RANBP2: variants seen among roughly 807,000 people sequenced by gnomAD.
RANBP2 encodes RAN binding protein 2.
A neutral mutation model predicts 303.6 loss-of-function variants in RANBP2; 57 were observed. The ratio of observed to expected loss-of-function variants is 0.19; its 90% CI spans 0.15 to 0.23. The LOEUF (loss-of-function observed/expected upper bound fraction) is 0.23, where lower values mean the gene tolerates loss of function less well. Among genes scored for constraint, RANBP2 ranks in the 10% least tolerant of loss-of-function variants. RANBP2 has a pLI of 1.00. For synonymous variants in RANBP2, 1,167 were observed against 1,301.5 expected (o/e 0.90, Z 2.23); for missense variants, 3,138 against 3,780.8 (o/e 0.83, Z 4.46).
At chr2:109,702,075 A>T in the RANBP2 span, among the ~76,000 whole-genome samples, 44 of 152,376 alleles carry the variant, frequency 2.9e-4, no homozygotes, top group Admixed American at 9.1e-4. Context: ...CCTCAATGCC[A>T]GGAGTCCCTC....
At chr2:109,606,934 G>A in the RANBP2 span, among the ~76,000 whole-genome samples, 4 of 152,036 alleles carry the variant, frequency 2.6e-5, no homozygotes, top group African/African-American at 9.7e-5. Context: ...TTACAGGCAT[G>A]AGCCACCACG....
chr2:109,222,541 G>A, the RANBP2 span, among the ~76,000 whole-genome samples: 1 of 152,182 alleles, frequency 6.6e-6, no homozygotes, highest in Admixed American at 6.5e-5. Flanking sequence ...ATTGTTGGAG[G>A]GGCAAGGGTG....
the RANBP2 span, among the ~76,000 whole-genome samples, chr2:108,863,353 G>A: frequency 6.6e-6 from 1 of 152,136 alleles, no homozygotes; most frequent in Non-Finnish European, 1.5e-5. Context: ...AAATACAATG[G>A]GAAGGTTTAT....
the RANBP2 span, among the ~76,000 whole-genome samples, chr2:108,878,115 AAAC>A: frequency 6.6e-6 from 1 of 152,246 alleles, no homozygotes. Flanking sequence ...AGATGAAAGA[AAAC>A]AGTTTATTAA....
chr2:109,520,712 C>T, the RANBP2 span, among the ~76,000 whole-genome samples: 1 of 138,540 alleles, frequency 7.2e-6, no homozygotes, highest in South Asian at 2.5e-4. Context: ...AGGTGGATCA[C>T]CTGAGGTCAG....
the RANBP2 span, among the ~76,000 whole-genome samples, chr2:109,046,099 T>TC: frequency 6.4e-4 from 97 of 152,084 alleles, 1 homozygote; most frequent in Non-Finnish European, 8.2e-4. Context: ...GGTCAGGAGA[T>TC]TGAGACCATC....
the RANBP2 span, among the ~76,000 whole-genome samples, chr2:109,707,252 A>C: frequency 6.6e-6 from 1 of 152,170 alleles, no homozygotes; most frequent in Non-Finnish European, 1.5e-5. Flanking sequence ...TGAAATTCAC[A>C]TTTCAAACCC....
the RANBP2 span, among the ~76,000 whole-genome samples, chr2:109,593,409 C>CTTTTTTTTTT: frequency 2.6e-4 from 35 of 133,770 alleles, 2 homozygotes; most frequent in East Asian, 6.6e-4. Context: ...AGAGAAAGAA[C>CTTTTTTTTTT]TTTTTTTTTT....
chr2:109,214,680 C>G, the RANBP2 span, among the ~76,000 whole-genome samples: 2 of 152,192 alleles, frequency 1.3e-5, no homozygotes, highest in Non-Finnish European at 2.9e-5. Context: ...TGGGCTCTCT[C>G]TGTCCCGTGG....
At chr2:108,990,171 C>T in the RANBP2 span, among the ~76,000 whole-genome samples, 5 of 152,100 alleles carry the variant, frequency 3.3e-5, no homozygotes, top group East Asian at 9.6e-4. Context: ...GTGGCTCACG[C>T]CTGTAATCCC....
chr2:109,156,287 C>T, the RANBP2 span, among the ~76,000 whole-genome samples: 1 of 152,214 alleles, frequency 6.6e-6, no homozygotes, highest in Non-Finnish European at 1.5e-5. Context: ...GTTGCTATCT[C>T]ATCTTCAGTG....
the RANBP2 span, among the ~76,000 whole-genome samples, chr2:109,268,686 T>G: frequency 2.6e-5 from 4 of 152,172 alleles, no homozygotes; most frequent in Non-Finnish European, 4.4e-5. Context: ...ATCACTCTAT[T>G]TTTCACTTTC....
At chr2:108,846,733 A>G in the RANBP2 span, 2 of 1,596,728 alleles carry the variant, frequency 1.3e-6, no homozygotes, top group Admixed American at 3.6e-5. Context: ...ACATATTTTT[A>G]ACAGCACTCG....
the RANBP2 span, among the ~76,000 whole-genome samples, chr2:109,216,338 C>CA: frequency 6.6e-6 from 1 of 152,218 alleles, no homozygotes; most frequent in Non-Finnish European, 1.5e-5. Flanking sequence ...ACCTTGAGGA[C>CA]AGTGTTTCCA....
chr2:109,554,647 C>T, the RANBP2 span, among the ~76,000 whole-genome samples: 5 of 152,168 alleles, frequency 3.3e-5, no homozygotes, highest in African/African-American at 7.2e-5. Context: ...CAGACAGTGG[C>T]CATCGCCGGG....
the RANBP2 span, among the ~76,000 whole-genome samples, chr2:108,956,270 G>A: frequency 6.6e-6 from 1 of 152,122 alleles, no homozygotes; most frequent in Non-Finnish European, 1.5e-5. Context: ...TTTGTGCCTG[G>A]CTGGAGATAC....
chr2:109,700,373 A>T, the RANBP2 span, among the ~76,000 whole-genome samples: 1 of 152,144 alleles, frequency 6.6e-6, no homozygotes, highest in Non-Finnish European at 1.5e-5. Flanking sequence ...TTGATTTTAT[A>T]CATTTTAGGG....
At chr2:109,627,899 T>G in the RANBP2 span, among the ~76,000 whole-genome samples, 1 of 152,222 alleles carries the variant, frequency 6.6e-6, no homozygotes, top group East Asian at 1.9e-4. Context: ...CAGTTGATAA[T>G]CAGTTGAGGA....
the RANBP2 span, among the ~76,000 whole-genome samples, chr2:109,052,348 G>A: frequency 1.3e-5 from 2 of 152,128 alleles, no homozygotes; most frequent in Non-Finnish European, 2.9e-5. Flanking sequence ...ATAGAAAGGG[G>A]GGCGTATTGC....
Sources: gnomAD v4.1 joint callset for allele counts (sites outside exome capture counted in the v4.1 genomes callset) on GRCh38, gnomAD v4.1.1 for gene constraint, MANE v1.5 for transcripts, NCBI Gene and HGNC (gene_info 2026-07-23, HGNC 2026-07-21) for gene names.